The following EYA2 variants were observed in gnomAD, a reference collection of about 807,000 sequenced individuals.
EYA2 encodes protein phosphatase EYA2.
Under a neutral mutation model 69.2 loss-of-function variants are expected in EYA2, and 31 were observed. The observed-to-expected ratio is 0.45, with a 90% CI of 0.34 to 0.60. The LOEUF (loss-of-function observed/expected upper bound fraction) is 0.60. Among genes scored for constraint, EYA2 ranks in the 20% least tolerant of loss-of-function variants. The pLI is 0.02. For synonymous variants in EYA2, 257 were observed against 279.4 expected, an observed-to-expected ratio of 0.92 and a Z score of 0.80; for missense variants, 622 against 701.2, an observed-to-expected ratio of 0.89 and a Z score of 1.28.
rs2034524713 is a variant in EYA2, at chr20:47,180,883, A to G, written c.1382A>G (p.Tyr461Cys). ...LIPALAKVLL[Y>C]GLGSVFPIEN... ...CCTGCCCTGGCCAAAGTCCTGCTAT[A>G]TGGCCTGGGGTCTGTGTTTCCTATT... Residue 461 changes from tyrosine to cysteine, a missense_variant, in exon 14 of 16, where the codon TAT becomes TGT. Tyr to Cys is a radical substitution (Grantham distance 194). Around this residue, in one of 2 missense-constraint regions of EYA2, gnomAD observed 257 missense variants for 351.5 expected, o/e 0.73. Transcript: ENST00000327619. The G allele has an allele frequency of 1.2e-6, 2 of 1,614,198 alleles. No individual in the cohort carries two copies. The highest frequency in any genetic ancestry group is 1.7e-6 in the Non-Finnish European group (2 of 1,180,028).
At chr20:47,078,574 T>C (rs983807926) in intron 7 of EYA2, among the ~76,000 whole-genome samples, 1 of 152,244 alleles carries the variant, frequency 6.6e-6, no homozygotes, top group African/African-American at 2.4e-5. Flanking sequence ...ACACTCTGCA[T>C]TGACATGCAT....
intron 1 of EYA2, among the ~76,000 whole-genome samples, chr20:46,912,640 G>A (rs1280650230): frequency 6.6e-6 from 1 of 152,026 alleles, no homozygotes; most frequent in East Asian, 1.9e-4. Context: ...AGAGGGGAGG[G>A]AGGTTGATGG....
chr20:47,152,092 G>C (rs1445913636), intron 10 of EYA2, among the ~76,000 whole-genome samples: 1 of 151,944 alleles, frequency 6.6e-6, no homozygotes, highest in Admixed American at 6.5e-5. Context: ...ACCTCTTCTC[G>C]ACGAAGAGCT....
At chr20:46,981,864 G>A (rs191260346) in intron 1 of EYA2, among the ~76,000 whole-genome samples, 2 of 151,932 alleles carry the variant, frequency 1.3e-5, no homozygotes, top group African/African-American at 2.4e-5. Flanking sequence ...GGTGATCTTT[G>A]TCTTTCAAGT....
chr20:46,923,263 G>C (rs979950461), intron 1 of EYA2, among the ~76,000 whole-genome samples: 3 of 152,204 alleles, frequency 2.0e-5, no homozygotes, highest in African/African-American at 7.2e-5. Context: ...CTACTCAGAG[G>C]CTGAGACATG....
intron 9 of EYA2, among the ~76,000 whole-genome samples, chr20:47,135,126 C>CAAAAA (rs11484435): frequency 6.9e-4 from 40 of 58,384 alleles, no homozygotes; most frequent in Admixed American, 1.3e-3. Flanking sequence ...GACTCCATAT[C>CAAAAA]AAAAAAAAAA....
chr20:47,056,119 G>A (rs936302538), intron 5 of EYA2, among the ~76,000 whole-genome samples: 2 of 152,206 alleles, frequency 1.3e-5, no homozygotes, highest in Non-Finnish European at 2.9e-5. Flanking sequence ...AGGCCATTGT[G>A]ACATTTAGCA....
At chr20:47,032,919 G>A (rs1034998697) in intron 5 of EYA2, among the ~76,000 whole-genome samples, 7 of 152,180 alleles carry the variant, frequency 4.6e-5, no homozygotes, top group Non-Finnish European at 1.5e-5. Context: ...CTTGAATTTT[G>A]GTTGCTGCAG....
chr20:46,948,155 T>C (rs1978584441), intron 1 of EYA2, among the ~76,000 whole-genome samples: 1 of 148,598 alleles, frequency 6.7e-6, no homozygotes, highest in Non-Finnish European at 1.5e-5. Context: ...AAGAAAAAAA[T>C]TACTACCATA....
At chr20:47,111,991 A>T (rs559518135) in intron 9 of EYA2, among the ~76,000 whole-genome samples, 1 of 152,252 alleles carries the variant, frequency 6.6e-6, no homozygotes, top group African/African-American at 2.4e-5. Context: ...TTTTCAAAAA[A>T]TTAGCCAGGC....
At chr20:47,076,176 C>T (rs1342402210) in intron 7 of EYA2, among the ~76,000 whole-genome samples, 3 of 152,182 alleles carry the variant, frequency 2.0e-5, no homozygotes, top group South Asian at 2.1e-4. Flanking sequence ...ATGCATGTGT[C>T]TTTATGGTAG....
At chr20:46,924,653 G>C (rs1013092993) in intron 1 of EYA2, among the ~76,000 whole-genome samples, 1 of 122,780 alleles carries the variant, frequency 8.1e-6, no homozygotes, top group African/African-American at 3.3e-5. Context: ...CTGGCCAATA[G>C]AGCGAGACTC....
intron 7 of EYA2, among the ~76,000 whole-genome samples, chr20:47,083,141 G>A (rs1458781781): frequency 6.6e-6 from 1 of 151,924 alleles, no homozygotes; most frequent in Non-Finnish European, 1.5e-5. Context: ...AGTGAGCTAT[G>A]ATCATACCAC....
chr20:46,957,857 G>GATGTTCT (rs529327850), intron 1 of EYA2, among the ~76,000 whole-genome samples: 320 of 152,292 alleles, frequency 2.1e-3, no homozygotes, highest in African/African-American at 7.2e-3. Flanking sequence ...TGCATCCACT[G>GATGTTCT]AGGGTTCTAG....
intron 5 of EYA2, among the ~76,000 whole-genome samples, chr20:47,044,341 C>G (rs1011883355): frequency 6.6e-6 from 1 of 152,132 alleles, no homozygotes; most frequent in African/African-American, 2.4e-5. Flanking sequence ...TGGGTGACAC[C>G]CACTGTGTGC....
At chr20:47,016,438 C>T (rs1983418831) in intron 5 of EYA2, 141 bp downstream of exon 5, 1 of 651,954 alleles carries the variant, frequency 1.5e-6, no homozygotes, top group South Asian at 1.8e-5. Flanking sequence ...AAAATAGATA[C>T]GAGATCTGCC....
intron 5 of EYA2, among the ~76,000 whole-genome samples, chr20:47,022,023 C>A (rs938730246): frequency 6.6e-6 from 1 of 152,156 alleles, no homozygotes; most frequent in Admixed American, 6.5e-5. Context: ...GTCATACATA[C>A]CAAATACGTT....
chr20:46,951,583 C>T (rs190748647), intron 1 of EYA2, among the ~76,000 whole-genome samples: 44 of 152,296 alleles, frequency 2.9e-4, no homozygotes, highest in East Asian at 1.7e-3. Context: ...GAAGGGCAAC[C>T]GGGCTATGCA....
chr20:46,897,761 A>G (rs1453267106), intron 1 of EYA2, among the ~76,000 whole-genome samples: 4 of 152,204 alleles, frequency 2.6e-5, no homozygotes, highest in Non-Finnish European at 5.9e-5. Context: ...TGCCTTCTTT[A>G]GACACATGCC....
Sources: allele counts gnomAD v4.1 joint callset (sites outside exome capture counted in the v4.1 genomes callset), GRCh38; gene constraint gnomAD v4.1.1; regional missense constraint gnomAD v4.1.1; transcripts MANE v1.5; gene names NCBI Gene and HGNC (gene_info 2026-07-23, HGNC 2026-07-21).